The following PAQR3 variants were observed in gnomAD, a reference collection of about 807,000 sequenced individuals.
PAQR3 encodes progestin and adipoQ receptor family member 3, also known as Raf kinase trapping to Golgi.
Under a neutral mutation model 41.7 loss-of-function variants are expected in PAQR3, and 39 were observed. The ratio of observed to expected loss-of-function variants is 0.93; its 90% confidence interval spans 0.72 to 1.22. The LOEUF is 1.22. PAQR3 is among the 50% of genes most tolerant of loss of function. The pLI is 0.00. For missense variants in PAQR3, 366 were observed against 385.6 expected, an observed-to-expected ratio of 0.95 and a Z score of 0.42; for synonymous variants, 140 against 140.6, an observed-to-expected ratio of 1.00 and a Z score of 0.03.
At chr4:78,938,636 A>G (rs764342595) in intron 1 of PAQR3, among the ~76,000 whole-genome samples, 1 of 152,008 alleles carries the variant, frequency 6.6e-6, no homozygotes, top group African/African-American at 2.4e-5. Context: ...CTTGTTTCCT[A>G]TTATACAGGC....
rs1315986400 is a variant in PAQR3 at position 78,918,324 on chromosome 4, TAATGTTAAC to T, written c.*2206_*2214del. 41 of 973,860 alleles carry T rather than the reference TAATGTTAAC, an allele frequency of 4.2e-5. No individual in the cohort carries two copies. The highest frequency in any genetic ancestry group is 4.9e-5 in the Non-Finnish European group (40 of 819,162). The allele number at this position is 973,860 out of a possible 1,614,324, so 60.3% of individuals were successfully genotyped here. ...TTGTAGACAACTTTAAAATATTTTT[TAATGTTAAC>T]AATGTCTTCAAAATTTTACCAGTAG... On this transcript the variant is annotated 3_prime_UTR_variant, in exon 6 of 6. Coordinates refer to ENST00000512733, the MANE Select transcript of PAQR3 (RefSeq NM_001040202.2).
Position 78,922,226 on chromosome 4 carries a change from C to T in PAQR3, c.794-1545G>A, listed in dbSNP as rs1195901299. The T allele has an allele frequency of 5.8e-6, 7 of 1,197,016 alleles. No individual in the cohort carries two copies. The East Asian group carries it at 4.0e-4, about 69-fold the overall frequency. The allele number at this position is 1,197,016 out of a possible 1,614,324, so 74.1% of individuals were successfully genotyped here. The stretch of plus-strand genomic sequence containing the variant: ...CATGTCCTAGATCTGTTCCCAAATC[C>T]TCATGTTTACAACGCAGGTTTTCCC... On this transcript the variant is annotated intron_variant, in intron 5 of 5. Coordinates refer to ENST00000512733, the MANE Select transcript of PAQR3 (RefSeq NM_001040202.2).
In PAQR3 at chr4:78,920,576, T is replaced by C. The variant is rs768966297; in HGVS notation, c.899A>G (p.His300Arg). Residue 300 changes from histidine to arginine, a missense_variant, in exon 6 of 6, where the codon CAT becomes CGT. Physicochemically the swap from His to Arg is conservative, Grantham distance 29. Coordinates refer to ENST00000512733, the MANE Select transcript of PAQR3 (RefSeq NM_001040202.2). ...AACATAGTCAGGACAAGGCTTGCTATGTCTGTACTGCATGACATACACTGT... is the reference window on the plus strand; with the variant it reads ...AACATAGTCAGGACAAGGCTTGCTACGTCTGTACTGCATGACATACACTGT... ...QSTVYVMQYR[H>R]SKPCPDYVSH... The C allele has an allele frequency of 3.7e-6, 6 of 1,611,476 alleles. No individual in the cohort carries two copies. Among genetic ancestry groups the C allele is most frequent in the Admixed American group, 1.7e-5 (1 of 59,838 alleles).
rs1473645652 is a variant in PAQR3 at position 78,917,109 on chromosome 4, A to G, written c.*3430T>C. 2.6e-5 allele frequency: 4 copies of G among 152,032 alleles called. No individual in the cohort carries two copies. The highest frequency in any genetic ancestry group is 4.4e-5 in the Non-Finnish European group (3 of 67,924). 9.4% of individuals were successfully genotyped at this position (152,032 alleles called of 1,614,324 possible). A position where few individuals can be genotyped will look rare whatever the true frequency, so the allele number is the denominator to read the frequency against. On this transcript the variant is annotated 3_prime_UTR_variant, in exon 6 of 6. Coordinates refer to ENST00000512733, the MANE Select transcript of PAQR3 (RefSeq NM_001040202.2). The stretch of plus-strand genomic sequence containing the variant: ...TGTATTACTGTTCAAATTCAGTTAT[A>G]GTTACTTGAGATGAATATATGCTGC...
At chr4:78,906,010 CT>C (rs1339080010) in intron 11 of PAQR3, 2 of 151,960 alleles carry the variant, frequency 1.3e-5, no homozygotes, top group African/African-American at 4.8e-5. Context: ...TACTGAAATA[CT>C]TTTTATTTTT....
At chr4:78,923,990 A>G (rs1207726376) in intron 4 of PAQR3, 43 bp from the exon 5 acceptor site, 1 of 1,351,294 alleles carries the variant, frequency 7.4e-7, no homozygotes, top group African/African-American at 1.4e-5. Flanking sequence ...TCCTACTGTT[A>G]CTGAACTCTA....
chr4:78,938,973 G>C (rs1737736679), intron 1 of PAQR3, 67 bp downstream of exon 1: 2 of 1,429,268 alleles, frequency 1.4e-6, no homozygotes, highest in African/African-American at 1.5e-5. Flanking sequence ...AAAGCAGAAG[G>C]GGGACCAGAC....
chr4:78,912,213 T>C lies in PAQR3; in HGVS notation c.*8326A>G, dbSNP rs2110112440. The C allele has an allele frequency of 1.7e-6, 1 of 582,984 alleles. No homozygotes were observed. Among genetic ancestry groups the C allele is most frequent in the East Asian group, 2.9e-5 (1 of 34,036 alleles). 36.1% of individuals were successfully genotyped at this position (582,984 alleles called of 1,614,324 possible). On this transcript the variant is annotated 3_prime_UTR_variant, in exon 6 of 6. Coordinates refer to ENST00000512733, the MANE Select transcript of PAQR3 (RefSeq NM_001040202.2). ...GTATCTCTACAGGGTAGTAACTTGA[T>C]TCCTCTTCAGGAGAAAAGGGAGCTA...
chr4:78,920,676 G>C lies in PAQR3; in HGVS notation c.799C>G (p.Leu267Val). 3 of 1,603,150 alleles carry C rather than the reference G, an allele frequency of 1.9e-6. No individual in the cohort carries two copies. Among genetic ancestry groups the C allele is most frequent in the Non-Finnish European group, 2.6e-6 (3 of 1,173,988 alleles). ...KVPERYFPGQ[L>V]NYLGSSHQIW... ...TGGTGGCTTGATCCGAGGTAGTTTA[G>C]TTGTCCTGGAAAGAAGGTAGAAAGA... Residue 267 changes from leucine (L) to valine (V), a missense_variant, in exon 6 of 6, where the codon CTA becomes GTA. Transcript: ENST00000512733.
downstream of PAQR3, chr4:78,911,835 T>C (rs1255986298): frequency 8.1e-6 from 13 of 1,613,848 alleles, no homozygotes; most frequent in Non-Finnish European, 1.1e-5. Context: ...CTGATCACAA[T>C]ACTGTCCTGC....
chr4:78,930,784 A>G (rs1424708059), intron 2 of PAQR3, among the ~76,000 whole-genome samples: 1 of 151,918 alleles, frequency 6.6e-6, no homozygotes, highest in African/African-American at 2.4e-5. Context: ...TATTCCCCAG[A>G]GGTGGCCAGT....
chr4:78,938,928 C>A (rs1737727563), intron 1 of PAQR3, 112 bp downstream of exon 1: 3 of 1,032,792 alleles, frequency 2.9e-6, no homozygotes, highest in African/African-American at 1.6e-5. Context: ...AAGGATGGGG[C>A]GGCGAGGAAA....
Position 78,935,251 on chromosome 4 carries a change from A to AT in PAQR3, c.217dup (p.Ile73AsnfsTer18), listed in dbSNP as rs748310301. On this transcript the variant is annotated frameshift_variant, in exon 2 of 6. Transcript: ENST00000512733. LOFTEE classifies it high-confidence loss of function. ...AAAGAAACCCAGCAAATGACTCCAG[A>AT]TGTTTACTGTCTCATTAGATAAAAT... is the stretch of plus-strand genomic sequence containing the variant. 6.2e-7 allele frequency: 1 copy of AT among 1,613,416 alleles called. No homozygotes were observed.
downstream of PAQR3, among the ~76,000 whole-genome samples, chr4:78,907,090 C>G (rs753301600): frequency 6.6e-6 from 1 of 151,910 alleles, no homozygotes; most frequent in Non-Finnish European, 1.5e-5. Flanking sequence ...TAGAAACAAC[C>G]TAAATATTCT....
At chr4:78,926,869 T>C in intron 3 of PAQR3, 151 bp from the exon 4 acceptor site, 3 of 715,556 alleles carry the variant, frequency 4.2e-6, no homozygotes, top group East Asian at 2.7e-5. Flanking sequence ...AAAAAATATG[T>C]TCCATACAAC....
At chr4:78,908,936 A>G (rs1441974341), downstream of PAQR3, among the ~76,000 whole-genome samples, 2 of 150,364 alleles carry the variant, frequency 1.3e-5, no homozygotes, top group Non-Finnish European at 3.0e-5. Flanking sequence ...TTCAATCTCT[A>G]TTTTTTCTAC....
intron 11 of PAQR3, among the ~76,000 whole-genome samples, chr4:78,903,789 G>A (rs17003489): frequency 0.14 from 21,469 of 151,838 alleles, 2,873 homozygotes; most frequent in African/African-American, 0.35. Context: ...TGGTTTTTTA[G>A]TGATGATACA....
At chr4:78,922,073 C>A in intron 5 of PAQR3, 1 of 1,034,038 alleles carries the variant, frequency 9.7e-7, no homozygotes, top group Admixed American at 4.9e-5. Context: ...TTCTACTTGT[C>A]TTGCTATAAA....
At chr4:78,927,764 A>G (rs1736394334) in intron 3 of PAQR3, among the ~76,000 whole-genome samples, 2 of 152,258 alleles carry the variant, frequency 1.3e-5, no homozygotes, top group African/African-American at 4.8e-5. Flanking sequence ...ATAAGCAGTT[A>G]GCTGGTCTTA....
Sources: gnomAD v4.1 joint callset for allele counts (sites outside exome capture counted in the v4.1 genomes callset) on GRCh38, gnomAD v4.1.1 for gene constraint, MANE v1.5 for transcripts, NCBI Gene and HGNC (gene_info 2026-07-23, HGNC 2026-07-21) for gene names.